Variants in OR3A2 observed in about 807,000 individuals in gnomAD.
OR3A2 encodes the protein olfactory receptor 3A2.
For synonymous variants in OR3A2, 126 were observed against 159.3 expected, an observed-to-expected ratio of 0.79 and a Z score of 1.57; for missense variants, 318 against 392.8, an observed-to-expected ratio of 0.81 and a Z score of 1.61.
chr17:3,372,576 C>T (rs1479661325), intron 2 of OR3A2, among the ~76,000 whole-genome samples: 1 of 152,116 alleles, frequency 6.6e-6, no homozygotes, highest in African/African-American at 2.4e-5. Flanking sequence ...AATCCCGGCA[C>T]CTCGGGAGGC....
At chr17:3,354,155 T>C (rs2049443932) in intron 2 of OR3A2, among the ~76,000 whole-genome samples, 1 of 151,660 alleles carries the variant, frequency 6.6e-6, no homozygotes, top group South Asian at 2.1e-4. Flanking sequence ...TTGTTTTTAA[T>C]GTGTCTGTGT....
intron 3 of OR3A2, among the ~76,000 whole-genome samples, chr17:3,307,734 T>C (rs1270388641): frequency 6.6e-6 from 1 of 152,184 alleles, no homozygotes; most frequent in Non-Finnish European, 1.5e-5. Context: ...GGCTTGAGGA[T>C]GGCTCACGTG....
At chr17:3,322,581 C>T (rs1052350361) in intron 3 of OR3A2, among the ~76,000 whole-genome samples, 1 of 151,902 alleles carries the variant, frequency 6.6e-6, no homozygotes, top group Admixed American at 6.6e-5. Context: ...GTGTTTGATC[C>T]CATTGGTTTC....
intron 2 of OR3A2, among the ~76,000 whole-genome samples, chr17:3,361,252 G>T (rs1283265510): frequency 1.3e-5 from 2 of 150,338 alleles, no homozygotes; most frequent in African/African-American, 5.0e-5. Context: ...TGTGATTTTT[G>T]TACATTGATT....
chr17:3,373,158 G>C (rs2049647613), intron 2 of OR3A2, among the ~76,000 whole-genome samples: 1 of 152,138 alleles, frequency 6.6e-6, no homozygotes, highest in Non-Finnish European at 1.5e-5. Flanking sequence ...GTCTAAGAGA[G>C]TACTTGATAT....
chr17:3,276,994 G>C (rs2048740244), downstream of OR3A2: 1 of 149,920 alleles, frequency 6.7e-6, no homozygotes, highest in Non-Finnish European at 1.5e-5. Flanking sequence ...CGCTATCTCG[G>C]CTCACTGCAA....
intron 3 of OR3A2, chr17:3,292,489 CA>C (rs778125433): frequency 1.8e-5 from 29 of 1,613,724 alleles, no homozygotes; most frequent in Non-Finnish European, 2.5e-5. Context: ...AGGAAGAGCA[CA>C]AAGACAACTG....
At chr17:3,303,523 C>T (rs916255771) in intron 3 of OR3A2, among the ~76,000 whole-genome samples, 4 of 152,056 alleles carry the variant, frequency 2.6e-5, no homozygotes, top group African/African-American at 4.8e-5. Flanking sequence ...AGACAGATCA[C>T]GAAGCCAAGA....
chr17:3,335,293 A>T (rs554087731), intron 3 of OR3A2, among the ~76,000 whole-genome samples: 3 of 152,262 alleles, frequency 2.0e-5, no homozygotes, highest in African/African-American at 4.8e-5. Context: ...CATAAATTTT[A>T]AAAAATGTTT....
chr17:3,382,099 A>G (rs892947953), intron 2 of OR3A2, among the ~76,000 whole-genome samples: 1 of 152,062 alleles, frequency 6.6e-6, no homozygotes, highest in Non-Finnish European at 1.5e-5. Context: ...GGAGGAGTGG[A>G]GCTGGGCGGG....
At position 3,351,848 on chromosome 17, in the gene OR3A2, G is replaced by A. The variant is rs572583749; in HGVS notation, c.-178-15722C>T. 3.4e-4 allele frequency among the ~76,000 whole-genome samples: 51 copies of A among 152,194 alleles called. 1 individual carries two copies. The South Asian group carries it at 0.011, about 32-fold the overall frequency. Reference sequence around the variant, plus strand: ...ACCAAAACAGAGATATAGATCAATGGAACAGAACAGAGCCCTCAGAAATAA... The same window carrying A: ...ACCAAAACAGAGATATAGATCAATGAAACAGAACAGAGCCCTCAGAAATAA... On this transcript the variant is annotated intron_variant, in intron 2 of 4. Coordinates refer to the OR3A2 transcript ENST00000573491.
At chr17:3,329,575 T>TC (rs2049210760) in intron 3 of OR3A2, among the ~76,000 whole-genome samples, 1 of 135,592 alleles carries the variant, frequency 7.4e-6, no homozygotes, top group African/African-American at 2.8e-5. Context: ...TATCATTTTT[T>TC]ATTGCGTCTA....
At chr17:3,278,102 G>C in exon 2 of OR3A2, 1 of 1,614,222 alleles carries the variant, frequency 6.2e-7, no homozygotes, top group Non-Finnish European at 8.5e-7. Flanking sequence ...CTTTATCCTT[G>C]TCTGAAGCCT....
chr17:3,367,390 A>T (rs2049573134), intron 2 of OR3A2, among the ~76,000 whole-genome samples: 2 of 149,426 alleles, frequency 1.3e-5, no homozygotes, highest in South Asian at 4.3e-4. Context: ...AAGTCCCCAG[A>T]GTTCATTATA....
intron 2 of OR3A2, among the ~76,000 whole-genome samples, chr17:3,377,800 T>C (rs1401682612): frequency 1.3e-5 from 2 of 152,188 alleles, no homozygotes; most frequent in African/African-American, 4.8e-5. Context: ...ATACCAGGTG[T>C]TGACAAGAAT....
intron 3 of OR3A2, among the ~76,000 whole-genome samples, chr17:3,328,560 G>A (rs1189880026): frequency 4.1e-5 from 6 of 145,222 alleles, no homozygotes; most frequent in African/African-American, 1.6e-4. Context: ...TCCTTCTCCT[G>A]CCTAATTGCC....
chr17:3,296,872 C>A (rs2048922794), intron 3 of OR3A2, among the ~76,000 whole-genome samples: 2 of 152,164 alleles, frequency 1.3e-5, no homozygotes, highest in Non-Finnish European at 1.5e-5. Context: ...GTTAAACTTT[C>A]AAGGAATCAT....
chr17:3,341,594 C>CA (rs2049319417), intron 2 of OR3A2, among the ~76,000 whole-genome samples: 1 of 152,178 alleles, frequency 6.6e-6, no homozygotes, highest in Non-Finnish European at 1.5e-5. Flanking sequence ...TATTGGCCCC[C>CA]ACTCTCTTCT....
rs141466734 is a variant in OR3A2, at chr17:3,293,574, T to C, written c.-84-14421A>G. Among the ~76,000 whole-genome samples, 895 of 152,002 alleles carry C rather than the reference T, an allele frequency of 5.9e-3. 3 individuals carry two copies. Among genetic ancestry groups the C allele is most frequent in the Non-Finnish European group, 9.4e-3 (642 of 67,982 alleles). Reference sequence around the variant, plus strand: ...GATTAAAACAAACCTGCACATCATATAAACAAGGATTCTACAAGAAAAAAG... The same window carrying C: ...GATTAAAACAAACCTGCACATCATACAAACAAGGATTCTACAAGAAAAAAG... On this transcript the variant is annotated intron_variant, in intron 3 of 4. Transcript: ENST00000573491.
Sources: allele counts gnomAD v4.1 joint callset (sites outside exome capture counted in the v4.1 genomes callset), GRCh38; gene constraint gnomAD v4.1.1; transcripts MANE v1.5; gene names NCBI Gene and HGNC (gene_info 2026-07-23, HGNC 2026-07-21).